RAB33A: variants seen among roughly 807,000 people sequenced by gnomAD.
The protein encoded by RAB33A is RAB33A, member RAS oncogene family, also known as ras-related protein Rab-33A.
Under a neutral mutation model 12.0 loss-of-function variants are expected in RAB33A, and 6 were observed. The ratio of observed to expected loss-of-function variants is 0.50; its 90% confidence interval spans 0.27 to 0.99. The LOEUF (loss-of-function observed/expected upper bound fraction) is 0.99. Among genes scored for constraint, RAB33A ranks in the 50% least tolerant of loss-of-function variants. The pLI is 0.11. For synonymous variants in RAB33A, 70 were observed against 82.4 expected (o/e 0.85, Z 0.81); for missense variants, 109 against 192.0 (o/e 0.57, Z 2.55).
chrX:130,146,451 A>ATGTGTGTGTGTGTGTGTGTG, the RAB33A span, among the ~76,000 whole-genome samples: 25 of 89,442 alleles, frequency 2.8e-4, no homozygotes, highest in African/African-American at 1.0e-3. Flanking sequence ...CTCTCAAAAT[A>ATGTGTGTGTGTGTGTGTGTG]TGTGTGTGTG....
the RAB33A span, among the ~76,000 whole-genome samples, chrX:130,115,630 A>G: frequency 9.4e-6 from 1 of 105,938 alleles, no homozygotes; most frequent in Non-Finnish European, 2.0e-5. Flanking sequence ...AAGAGAGAGC[A>G]GAGAGAAACT....
At chrX:130,179,010 A>G (rs2031694402) in intron 1 of RAB33A, among the ~76,000 whole-genome samples, 1 of 104,171 alleles carries the variant, frequency 9.6e-6, no homozygotes. Flanking sequence ...GCCTGCTGTG[A>G]TCTTCCTTTC....
chrX:130,126,085 C>A, the RAB33A span, among the ~76,000 whole-genome samples: 1 of 112,479 alleles, frequency 8.9e-6, no homozygotes, highest in Non-Finnish European at 1.9e-5. Context: ...GCAAAGCCTG[C>A]CTCTTCTTCC....
the RAB33A span, among the ~76,000 whole-genome samples, chrX:130,147,193 A>G: frequency 8.9e-6 from 1 of 112,012 alleles, no homozygotes; most frequent in African/African-American, 3.2e-5. Context: ...AGAAGTGACA[A>G]TACAGGCCAA....
chrX:130,169,207 CAAA>C (rs150861385), upstream of RAB33A, among the ~76,000 whole-genome samples: 5 of 67,477 alleles, frequency 7.4e-5, no homozygotes, highest in Non-Finnish European at 8.8e-5. Flanking sequence ...GACTCCATCT[CAAA>C]AAAAAAAAAA....
chrX:130,152,651 G>T, the RAB33A span, among the ~76,000 whole-genome samples: 1 of 111,967 alleles, frequency 8.9e-6, no homozygotes, highest in Non-Finnish European at 1.9e-5. Context: ...AGGCCACTTT[G>T]GCTCTGCCCA....
At chrX:130,162,922 G>A in the RAB33A span, among the ~76,000 whole-genome samples, 2 of 111,878 alleles carry the variant, frequency 1.8e-5, no homozygotes, top group African/African-American at 3.3e-5. Context: ...CTGGAAGGAG[G>A]CAGAGCATCC....
chrX:130,163,031 C>T, the RAB33A span, among the ~76,000 whole-genome samples: 2 of 111,370 alleles, frequency 1.8e-5, no homozygotes, highest in African/African-American at 6.5e-5. Context: ...CAGATGTCAA[C>T]GAGATAGTTG....
the RAB33A span, chrX:130,156,746 C>T: frequency 1.5e-6 from 1 of 679,677 alleles, no homozygotes; most frequent in Non-Finnish European, 2.2e-6. Context: ...ATCATCAAAA[C>T]TGCATATATA....
chrX:130,134,835 G>A, the RAB33A span, among the ~76,000 whole-genome samples: 2 of 111,334 alleles, frequency 1.8e-5, no homozygotes, highest in South Asian at 3.7e-4. Context: ...TCGCTTAATG[G>A]AATATATAGT....
the RAB33A span, among the ~76,000 whole-genome samples, chrX:130,151,893 C>T: frequency 8.2e-5 from 9 of 109,869 alleles, no homozygotes; most frequent in African/African-American, 3.0e-4. Context: ...ACAAAAAGTA[C>T]CTGGGTGTGG....
At chrX:130,111,790 C>T in the RAB33A span, among the ~76,000 whole-genome samples, 3 of 112,413 alleles carry the variant, frequency 2.7e-5, no homozygotes, top group Non-Finnish European at 5.6e-5. Context: ...CTCAGGCACG[C>T]TCCCCTTCTA....
chrX:130,134,460 T>G, the RAB33A span, among the ~76,000 whole-genome samples: 1 of 111,089 alleles, frequency 9.0e-6, no homozygotes, highest in African/African-American at 3.3e-5. Context: ...CACTCAGTAT[T>G]CATTCATTCG....
chrX:130,172,200 C>T lies in RAB33A; in HGVS notation c.138C>T (p.Asn46=), dbSNP rs759756931. ...IFKIIVIGDS[N]VGKTCLTFRF... Reference sequence around the variant, plus strand: ...AAATAATCGTGATTGGGGACTCCAACGTGGGCAAGACCTGCCTGACCTTCC... The same window carrying T: ...AAATAATCGTGATTGGGGACTCCAATGTGGGCAAGACCTGCCTGACCTTCC... The change falls in exon 1 of 2, where the codon AAC becomes AAT. Residue 46 remains asparagine, a synonymous_variant. Transcript: ENST00000257017. The T allele has an allele frequency of 4.1e-6, 5 of 1,210,934 alleles. No individual in the cohort carries two copies. The South Asian group carries it at 5.3e-5, about 13-fold the overall frequency.
the RAB33A span, among the ~76,000 whole-genome samples, chrX:130,129,026 C>T: frequency 8.9e-6 from 1 of 112,387 alleles, no homozygotes; most frequent in Non-Finnish European, 1.9e-5. Flanking sequence ...AAGGCCTTAA[C>T]ATCAGGGCTT....
At chrX:130,178,341 GAA>G (rs1453009863) in intron 1 of RAB33A, among the ~76,000 whole-genome samples, 4 of 93,015 alleles carry the variant, frequency 4.3e-5, no homozygotes, top group African/African-American at 8.9e-5. Flanking sequence ...GAGAGAGAGA[GAA>G]AGAGACCAGG....
the RAB33A span, among the ~76,000 whole-genome samples, chrX:130,111,931 G>A: frequency 5.4e-5 from 6 of 111,653 alleles, no homozygotes; most frequent in East Asian, 1.7e-3. Context: ...CTTTTTGGGG[G>A]TGGGGGCAGC....
At chrX:130,161,929 A>G in the RAB33A span, among the ~76,000 whole-genome samples, 1 of 112,097 alleles carries the variant, frequency 8.9e-6, no homozygotes, top group Non-Finnish European at 1.9e-5. Flanking sequence ...TAATTTTTTA[A>G]TATCAACCCT....
chrX:130,179,351 G>C (rs1458417334), intron 1 of RAB33A, among the ~76,000 whole-genome samples: 1 of 111,574 alleles, frequency 9.0e-6, no homozygotes, highest in Non-Finnish European at 1.9e-5. Context: ...ACTCCCACCC[G>C]TGTTCCTGCT....
Sources: allele counts gnomAD v4.1 joint callset (sites outside exome capture counted in the v4.1 genomes callset), GRCh38; gene constraint gnomAD v4.1.1; transcripts MANE v1.5; gene names NCBI Gene and HGNC (gene_info 2026-07-23, HGNC 2026-07-21).